The following BRD10 variants were observed in gnomAD, a reference collection of about 807,000 sequenced individuals.
BRD10 encodes the protein bromodomain containing 10, also known as uncharacterized bromodomain-containing protein 10.
chr9:5,899,514 G>T, the BRD10 span, among the ~76,000 whole-genome samples: 2 of 152,144 alleles, frequency 1.3e-5, no homozygotes, highest in Admixed American at 1.3e-4. Flanking sequence ...TGGGAAGGAG[G>T]AGGAGTTGAT....
the BRD10 span, chr9:5,908,633 C>T: frequency 3.7e-6 from 6 of 1,613,374 alleles, no homozygotes; most frequent in Middle Eastern, 1.7e-4. Flanking sequence ...CTTTCTTGTT[C>T]TCACAGGTTC....
the BRD10 span, among the ~76,000 whole-genome samples, chr9:6,000,620 A>C: frequency 6.6e-6 from 1 of 152,196 alleles, no homozygotes; most frequent in Non-Finnish European, 1.5e-5. Context: ...CTTAATTCTA[A>C]ATCATTCTCA....
chr9:5,882,007 A>T, the BRD10 span, among the ~76,000 whole-genome samples: 1 of 152,238 alleles, frequency 6.6e-6, no homozygotes, highest in African/African-American at 2.4e-5. Flanking sequence ...AGTAAGTGGT[A>T]GGATGAGAAT....
the BRD10 span, chr9:5,944,988 G>A: frequency 8.4e-7 from 1 of 1,196,538 alleles, no homozygotes; most frequent in Non-Finnish European, 1.2e-6. Context: ...AACACAGCTT[G>A]ATAACACATA....
At chr9:5,921,497 C>T in the BRD10 span, 1 of 1,613,870 alleles carries the variant, frequency 6.2e-7, no homozygotes, top group Non-Finnish European at 8.5e-7. Context: ...GGCAGAAACA[C>T]CTGTAGATGT....
the BRD10 span, chr9:5,906,987 T>C: frequency 6.3e-7 from 1 of 1,593,280 alleles, no homozygotes; most frequent in Non-Finnish European, 8.5e-7. Context: ...AGAGAAAAAC[T>C]GTGAACCTGT....
the BRD10 span, chr9:5,892,631 C>G: frequency 8.7e-7 from 1 of 1,149,822 alleles, no homozygotes; most frequent in Non-Finnish European, 1.3e-6. Context: ...CAGTACATGC[C>G]TGCTCGTAAA....
At chr9:5,930,369 T>TTTTATATATATACATATATATATA in the BRD10 span, among the ~76,000 whole-genome samples, 52 of 135,536 alleles carry the variant, frequency 3.8e-4, 1 homozygote, top group African/African-American at 1.4e-3. Flanking sequence ...TATAAGGAGA[T>TTTTATATATATACATATATATATA]TATATATATA....
At chr9:5,922,142 C>T in the BRD10 span, 9 of 1,613,972 alleles carry the variant, frequency 5.6e-6, no homozygotes, top group South Asian at 3.3e-5. Flanking sequence ...GTTCCCACCT[C>T]GTGTCCTAAC....
the BRD10 span, among the ~76,000 whole-genome samples, chr9:5,952,645 A>T: frequency 6.6e-6 from 1 of 152,184 alleles, no homozygotes; most frequent in Non-Finnish European, 1.5e-5. Flanking sequence ...GCTACTTAAT[A>T]TATGGAAAAG....
At chr9:5,948,283 A>G in the BRD10 span, among the ~76,000 whole-genome samples, 2 of 152,136 alleles carry the variant, frequency 1.3e-5, no homozygotes, top group Non-Finnish European at 2.9e-5. Context: ...AAACCACAGA[A>G]CCCAGGACTT....
chr9:5,901,243 A>G, the BRD10 span, among the ~76,000 whole-genome samples: 1 of 152,108 alleles, frequency 6.6e-6, no homozygotes, highest in Non-Finnish European at 1.5e-5. Flanking sequence ...AGTTATTTGC[A>G]ACTTCCAGTA....
chr9:5,919,584 A>ACACACACACACACACACACACACACACAC, the BRD10 span: 1 of 979,378 alleles, frequency 1.0e-6, no homozygotes, highest in East Asian at 2.7e-5. Context: ...ACACACACAC[A>ACACACACACACACACACACACACACACAC]ATGTATAGTA....
At chr9:5,971,744 A>AT in the BRD10 span, among the ~76,000 whole-genome samples, 1 of 152,086 alleles carries the variant, frequency 6.6e-6, no homozygotes, top group African/African-American at 2.4e-5. Flanking sequence ...TTTTTACTGA[A>AT]TGAGGATGGT....
the BRD10 span, chr9:6,007,177 G>A: frequency 1.9e-6 from 3 of 1,606,874 alleles, no homozygotes; most frequent in Non-Finnish European, 2.6e-6. Context: ...AGTCCCACCG[G>A]GGACCGGGCT....
At chr9:5,907,458 A>G in the BRD10 span, among the ~76,000 whole-genome samples, 16 of 152,356 alleles carry the variant, frequency 1.1e-4, no homozygotes, top group African/African-American at 3.4e-4. Context: ...CACTTAAAAC[A>G]CAGGAGTTTG....
the BRD10 span, among the ~76,000 whole-genome samples, chr9:5,889,772 G>A: frequency 8.7e-5 from 13 of 148,994 alleles, no homozygotes; most frequent in Admixed American, 8.8e-4. Context: ...GCGACAGAGT[G>A]AGTCTCCATC....
the BRD10 span, among the ~76,000 whole-genome samples, chr9:6,000,427 T>TA: frequency 6.6e-6 from 1 of 152,178 alleles, no homozygotes; most frequent in African/African-American, 2.4e-5. Flanking sequence ...AGAGACAGCC[T>TA]AAAGATCATC....
chr9:6,003,363 T>G, the BRD10 span, among the ~76,000 whole-genome samples: 1 of 152,190 alleles, frequency 6.6e-6, no homozygotes, highest in Non-Finnish European at 1.5e-5. Flanking sequence ...AAATTCATAC[T>G]AATATTTGAC....
Sources: allele counts gnomAD v4.1 joint callset (sites outside exome capture counted in the v4.1 genomes callset), GRCh38; gene constraint gnomAD v4.1.1; transcripts MANE v1.5; gene names NCBI Gene and HGNC (gene_info 2026-07-23, HGNC 2026-07-21).